Variants in RBFOX1 observed in about 807,000 individuals in gnomAD.
The protein encoded by RBFOX1 is RNA binding fox-1 homolog 1.
A neutral mutation model predicts 57.7 loss-of-function variants in RBFOX1; 8 were observed. That is an observed-to-expected ratio of 0.14 (90% CI 0.08 to 0.25). The LOEUF is 0.25. Ranked by LOEUF, RBFOX1 falls within the 10% of genes least tolerant of loss-of-function variation. RBFOX1 has a pLI of 1.00. For missense variants in RBFOX1, 611 were observed against 548.5 expected (o/e 1.11, Z -1.14); for synonymous variants, 326 against 222.4 (o/e 1.47, Z -4.15).
intron 4 of RBFOX1, among the ~76,000 whole-genome samples, chr16:7,376,855 T>C (rs955801487): frequency 6.6e-6 from 1 of 152,204 alleles, no homozygotes; most frequent in African/African-American, 2.4e-5. Flanking sequence ...GTCATCTCTC[T>C]TGAAACATAA....
rs71408412 is a variant in RBFOX1, at chr16:6,863,725, CTTTTTTTT to C, written c.-15-188312_-15-188305del. Among the ~76,000 whole-genome samples the C allele has an allele frequency of 1.6e-4, 11 of 67,778 alleles. 1 individual carries two copies. Among genetic ancestry groups the C allele is most frequent in the South Asian group, 6.7e-4 (1 of 1,498 alleles). 44.5% of individuals were successfully genotyped at this position (67,778 alleles called of 152,430 possible). A position where few individuals can be genotyped will look rare whatever the true frequency, so the allele number is the denominator to read the frequency against. ...CGGAAGCACAAATTGGATGCCTGCGCTTTTTTTTTTTTTTTTTTTTTTTTTTTACCAAA... is the reference window on the plus strand; with the variant it reads ...CGGAAGCACAAATTGGATGCCTGCGCTTTTTTTTTTTTTTTTTTTACCAAA... On this transcript the variant is annotated intron_variant, in intron 3 of 15. Coordinates refer to ENST00000550418, the MANE Select transcript of RBFOX1 (RefSeq NM_018723.4).
chr16:5,891,048 C>A (rs889885991), intron 4 of RBFOX1, among the ~76,000 whole-genome samples: 2 of 152,184 alleles, frequency 1.3e-5, no homozygotes, highest in African/African-American at 4.8e-5. Flanking sequence ...AATCCCTTAG[C>A]ACAATTCCCA....
At chr16:6,998,092 A>C (rs547682660) in intron 3 of RBFOX1, among the ~76,000 whole-genome samples, 55 of 152,260 alleles carry the variant, frequency 3.6e-4, no homozygotes, top group African/African-American at 1.2e-3. Context: ...ATATATGTAC[A>C]TTATATTTAG....
At chr16:6,756,986 AC>A (rs1347690953) in intron 3 of RBFOX1, among the ~76,000 whole-genome samples, 3 of 10,546 alleles carry the variant, frequency 2.8e-4, no homozygotes, top group Non-Finnish European at 1.4e-3. Flanking sequence ...AAACAAACAG[AC>A]AAACAAACAA....
chr16:6,925,677 C>G (rs58615643), intron 3 of RBFOX1, among the ~76,000 whole-genome samples: 7,047 of 151,918 alleles, frequency 0.046, 532 homozygotes, highest in African/African-American at 0.16. Flanking sequence ...AATGCGTTAA[C>G]AGCTTGATAT....
chr16:7,383,522 G>C (rs2097821546), intron 4 of RBFOX1, among the ~76,000 whole-genome samples: 1 of 152,032 alleles, frequency 6.6e-6, no homozygotes, highest in Non-Finnish European at 1.5e-5. Context: ...TTCATCTTTT[G>C]AGTTCCCAGT....
intron 2 of RBFOX1, among the ~76,000 whole-genome samples, chr16:6,604,722 G>C (rs947449628): frequency 3.9e-5 from 6 of 152,068 alleles, no homozygotes; most frequent in African/African-American, 1.4e-4. Context: ...ATAATTGTCA[G>C]CCCTATAACA....
chr16:7,351,237 T>A (rs1422197842), intron 4 of RBFOX1, among the ~76,000 whole-genome samples: 1 of 152,230 alleles, frequency 6.6e-6, no homozygotes, highest in African/African-American at 2.4e-5. Flanking sequence ...AACAGGTTCT[T>A]TTACCTCTCT....
intron 2 of RBFOX1, among the ~76,000 whole-genome samples, chr16:5,526,828 C>T (rs984497201): frequency 1.3e-5 from 2 of 151,832 alleles, no homozygotes; most frequent in South Asian, 4.1e-4. Flanking sequence ...TGTTATTGTT[C>T]ATAGGAGTTT....
intron 1 of RBFOX1, among the ~76,000 whole-genome samples, chr16:6,179,383 T>C (rs2097043686): frequency 6.6e-6 from 1 of 152,182 alleles, no homozygotes; most frequent in African/African-American, 2.4e-5. Context: ...TGTTTAGAGC[T>C]AGGTTTATCT....
At chr16:5,956,678 A>ATTTATATATATATATATATATATTTT (rs1555456300) in intron 4 of RBFOX1, among the ~76,000 whole-genome samples, 1 of 116,506 alleles carries the variant, frequency 8.6e-6, no homozygotes, top group African/African-American at 3.5e-5. Flanking sequence ...ATATATATAT[A>ATTTATATATATATATATATATATTTT]TTTTTTTTGA....
intron 1 of RBFOX1, among the ~76,000 whole-genome samples, chr16:5,342,011 G>A (rs940368509): frequency 6.6e-6 from 1 of 152,124 alleles, no homozygotes; most frequent in African/African-American, 2.4e-5. Flanking sequence ...CCCTCCTTCT[G>A]CATGGAAAAA....
At chr16:6,816,698 C>G (rs1200349130) in intron 3 of RBFOX1, among the ~76,000 whole-genome samples, 4 of 147,940 alleles carry the variant, frequency 2.7e-5, no homozygotes, top group Admixed American at 2.1e-4. Flanking sequence ...TGAGACTGCA[C>G]CACTGCACTC....
chr16:7,281,344 T>C (rs2095539984), intron 4 of RBFOX1, among the ~76,000 whole-genome samples: 1 of 151,550 alleles, frequency 6.6e-6, no homozygotes, highest in Admixed American at 6.6e-5. Flanking sequence ...TGGGGGGTAG[T>C]TTAGCATACA....
chr16:6,484,463 C>T (rs1567389695), intron 2 of RBFOX1, among the ~76,000 whole-genome samples: 1 of 152,114 alleles, frequency 6.6e-6, no homozygotes, highest in African/African-American at 2.4e-5. Flanking sequence ...CATTTTATGA[C>T]ATGGAATAAG....
At chr16:7,553,788 C>G (rs1253875843) in intron 5 of RBFOX1, among the ~76,000 whole-genome samples, 1 of 152,160 alleles carries the variant, frequency 6.6e-6, no homozygotes, top group Non-Finnish European at 1.5e-5. Flanking sequence ...AACTCATAAA[C>G]CAAGGAGGCT....
chr16:6,116,727 C>A (rs979731830), intron 1 of RBFOX1, among the ~76,000 whole-genome samples: 13 of 152,146 alleles, frequency 8.5e-5, no homozygotes, highest in Non-Finnish European at 1.6e-4. Context: ...TTGTTATTTG[C>A]AAGTACACAT....
chr16:6,999,998 G>T (rs1326382459), intron 3 of RBFOX1, among the ~76,000 whole-genome samples: 1 of 150,816 alleles, frequency 6.6e-6, no homozygotes, highest in African/African-American at 2.4e-5. Flanking sequence ...CTTGGACCTA[G>T]CAGGCAGAGG....
At chr16:6,961,590 C>T (rs1215179725) in intron 3 of RBFOX1, among the ~76,000 whole-genome samples, 1 of 152,134 alleles carries the variant, frequency 6.6e-6, no homozygotes, top group Non-Finnish European at 1.5e-5. Flanking sequence ...CAGAGCAGCT[C>T]TGAGGGCTGC....
Sources: allele counts gnomAD v4.1 joint callset (sites outside exome capture counted in the v4.1 genomes callset), GRCh38; gene constraint gnomAD v4.1.1; transcripts MANE v1.5; gene names NCBI Gene and HGNC (gene_info 2026-07-23, HGNC 2026-07-21).